Variants in SENP7 observed in about 807,000 individuals in gnomAD.
SENP7 encodes the protein sentrin-specific protease 7.
A neutral mutation model predicts 141.2 loss-of-function variants in SENP7; 64 were observed. The ratio of observed to expected loss-of-function variants is 0.45; its 90% CI spans 0.37 to 0.56. SENP7 has a LOEUF of 0.56. Ranked by LOEUF, SENP7 falls within the 20% of genes least tolerant of loss-of-function variation. The probability of loss-of-function intolerance (pLI) is 0.00; values close to 1 mark genes in which losing one functional copy is unlikely to be tolerated. For missense variants in SENP7, 1,025 were observed against 1,212.2 expected, an observed-to-expected ratio of 0.85 and a Z score of 2.29; for synonymous variants, 382 against 426.4, an observed-to-expected ratio of 0.90 and a Z score of 1.28.
chr3:101,376,398 G>A (rs996878150), intron 6 of SENP7, among the ~76,000 whole-genome samples: 3 of 150,632 alleles, frequency 2.0e-5, no homozygotes, highest in African/African-American at 5.0e-5. Context: ...ATACAAAAAA[G>A]GTATTAAAAT....
chr3:101,331,075 T>C (rs1559676716), intron 19 of SENP7, among the ~76,000 whole-genome samples: 2 of 151,902 alleles, frequency 1.3e-5, no homozygotes, highest in East Asian at 1.9e-4. Context: ...TGTCTGGAAA[T>C]CAAAGGCATA....
chr3:101,412,369 T>C lies in SENP7; in HGVS notation c.482+5224A>G, dbSNP rs577857651. On this transcript the variant is annotated intron_variant, in intron 5 of 23. Coordinates refer to ENST00000394095, the MANE Select transcript of SENP7 (RefSeq NM_020654.5). ...AAGGTATGTATAAAAAATTTAATCT[T>C]TGAGTAACTTTATTAAAGAGATTCA... 5.3e-5 allele frequency among the ~76,000 whole-genome samples: 8 copies of C among 152,220 alleles called. No homozygotes were observed. The South Asian group carries it at 1.7e-3, about 32-fold the overall frequency.
intron 6 of SENP7, among the ~76,000 whole-genome samples, chr3:101,377,754 G>T (rs577199732): frequency 6.6e-6 from 1 of 152,274 alleles, no homozygotes; most frequent in Admixed American, 6.5e-5. Flanking sequence ...GTGAGGAAAA[G>T]CAAGGAAAAT....
intron 1 of SENP7, among the ~76,000 whole-genome samples, chr3:101,508,189 T>A (rs1449790368): frequency 2.6e-5 from 4 of 151,916 alleles, no homozygotes; most frequent in Non-Finnish European, 5.9e-5. Context: ...AAATTCACCA[T>A]CATTCTGAAG....
chr3:101,449,398 C>T (rs924887350), intron 4 of SENP7, among the ~76,000 whole-genome samples: 3 of 152,072 alleles, frequency 2.0e-5, no homozygotes, highest in Admixed American at 6.6e-5. Context: ...TCGAGAAGAG[C>T]AACTCCAAGA....
intron 5 of SENP7, among the ~76,000 whole-genome samples, chr3:101,408,766 T>C (rs150688054): frequency 1.4e-3 from 213 of 152,268 alleles, no homozygotes; most frequent in Non-Finnish European, 2.6e-3. Flanking sequence ...AAAATCGGCA[T>C]ACAAGGGACA....
intron 3 of SENP7, among the ~76,000 whole-genome samples, chr3:101,487,813 C>T (rs191334255): frequency 6.6e-6 from 1 of 152,156 alleles, no homozygotes; most frequent in Non-Finnish European, 1.5e-5. Context: ...TTTTCCATTG[C>T]TCTATGTGTC....
At chr3:101,349,549 G>A (rs539533654) in intron 12 of SENP7, among the ~76,000 whole-genome samples, 12 of 152,144 alleles carry the variant, frequency 7.9e-5, no homozygotes, top group South Asian at 6.2e-4. Context: ...GATGGTTTCC[G>A]GGGAGGGATA....
chr3:101,490,192 A>C (rs1212976136), intron 3 of SENP7, among the ~76,000 whole-genome samples: 9 of 152,248 alleles, frequency 5.9e-5, no homozygotes, highest in African/African-American at 9.6e-5. Context: ...TCTCAAAAAA[A>C]AAACAAACAA....
At chr3:101,464,642 A>G (rs777086401) in intron 3 of SENP7, among the ~76,000 whole-genome samples, 14 of 152,086 alleles carry the variant, frequency 9.2e-5, no homozygotes, top group Non-Finnish European at 1.8e-4. Context: ...CACTGATTCT[A>G]CATTATGGTA....
chr3:101,426,309 AG>A (rs1388843227), intron 4 of SENP7, among the ~76,000 whole-genome samples: 1 of 152,168 alleles, frequency 6.6e-6, no homozygotes, highest in Non-Finnish European at 1.5e-5. Flanking sequence ...GCAGCTAAAA[AG>A]GTCAGGTCAC....
At chr3:101,371,200 GA>G (rs2060170888) in intron 7 of SENP7, among the ~76,000 whole-genome samples, 1 of 152,070 alleles carries the variant, frequency 6.6e-6, no homozygotes, top group African/African-American at 2.4e-5. Context: ...GATGTGGGAG[GA>G]TCACTTGAGC....
intron 4 of SENP7, among the ~76,000 whole-genome samples, chr3:101,453,238 A>G (rs1237097781): frequency 6.6e-6 from 1 of 152,358 alleles, no homozygotes; most frequent in East Asian, 1.9e-4. Context: ...GAGAATGTGG[A>G]GAAACTGGAA....
chr3:101,408,471 G>A (rs2061366180), intron 5 of SENP7, among the ~76,000 whole-genome samples: 2 of 151,496 alleles, frequency 1.3e-5, no homozygotes, highest in African/African-American at 4.9e-5. Context: ...ACCAAGAAAG[G>A]ACATTAAAAA....
chr3:101,376,204 A>T (rs2060324394), intron 6 of SENP7, among the ~76,000 whole-genome samples: 2 of 152,170 alleles, frequency 1.3e-5, no homozygotes, highest in Admixed American at 6.5e-5. Context: ...AAGAAGGGAA[A>T]AATAGGGAGT....
At chr3:101,511,491 C>A (rs1453072265) in intron 1 of SENP7, among the ~76,000 whole-genome samples, 1 of 152,132 alleles carries the variant, frequency 6.6e-6, no homozygotes, top group East Asian at 1.9e-4. Flanking sequence ...CCTAATGTGT[C>A]CATTTTACTT....
intron 11 of SENP7, among the ~76,000 whole-genome samples, chr3:101,352,366 C>T (rs1459687312): frequency 1.3e-5 from 2 of 152,030 alleles, no homozygotes; most frequent in African/African-American, 4.8e-5. Context: ...CCAGAACAAC[C>T]TCTTCCCTGG....
chr3:101,337,646 C>A lies in SENP7; in HGVS notation c.2358-15G>T, dbSNP rs765848729. 5 of 1,528,036 alleles carry A rather than the reference C, an allele frequency of 3.3e-6. No homozygotes were observed. The African/African-American group carries it at 4.2e-5, about 13-fold the overall frequency. 94.7% of individuals were successfully genotyped at this position (1,528,036 alleles called of 1,614,324 possible). ...ATATAAGATACCTGTAAAGTAGTAA[C>A]CCCACAAAAGTAAATTATTTTTAGA... On this transcript the variant is annotated splice_polypyrimidine_tract_variant and intron_variant, in intron 16 of 23. Coordinates refer to ENST00000394095, the MANE Select transcript of SENP7 (RefSeq NM_020654.5).
chr3:101,449,035 C>T (rs1309082526), intron 4 of SENP7, among the ~76,000 whole-genome samples: 5 of 152,006 alleles, frequency 3.3e-5, no homozygotes, highest in South Asian at 2.1e-4. Flanking sequence ...CCTTAAAAGA[C>T]GTGATGGAGC....
Sources: allele counts gnomAD v4.1 joint callset (sites outside exome capture counted in the v4.1 genomes callset), GRCh38; gene constraint gnomAD v4.1.1; transcripts MANE v1.5; gene names NCBI Gene and HGNC (gene_info 2026-07-23, HGNC 2026-07-21).